RBFOX1: variants seen among roughly 807,000 people sequenced by gnomAD.
RBFOX1 encodes the protein RNA binding protein fox-1 homolog 1.
In RBFOX1, 8 loss-of-function variants were observed where a neutral mutation model predicts 57.7. The observed-to-expected ratio is 0.14, with a 90% CI of 0.08 to 0.25. The LOEUF is 0.25. Ranked by LOEUF, RBFOX1 falls within the 10% of genes least tolerant of loss-of-function variation. RBFOX1 has a pLI of 1.00. For missense variants in RBFOX1, 611 were observed against 548.5 expected (o/e 1.11, Z -1.14); for synonymous variants, 326 against 222.4 (o/e 1.47, Z -4.15).
chr16:7,278,478 A>G (rs1405237562), intron 4 of RBFOX1, among the ~76,000 whole-genome samples: 1 of 152,350 alleles, frequency 6.6e-6, no homozygotes, highest in South Asian at 2.1e-4. Flanking sequence ...TACTTTCATC[A>G]TACAGATCTG....
chr16:7,305,144 T>G (rs561076829), intron 4 of RBFOX1, among the ~76,000 whole-genome samples: 191 of 152,202 alleles, frequency 1.3e-3, no homozygotes, highest in Non-Finnish European at 2.5e-3. Context: ...TGTGTGGGTT[T>G]TTTTTTCCCT....
chr16:5,819,150 G>A (rs919115266), intron 3 of RBFOX1, among the ~76,000 whole-genome samples: 1 of 152,138 alleles, frequency 6.6e-6, no homozygotes. Flanking sequence ...ATAGGTCACG[G>A]TTCTGGAGGC....
intron 4 of RBFOX1, among the ~76,000 whole-genome samples, chr16:7,178,171 C>G (rs980211086): frequency 3.9e-5 from 6 of 152,228 alleles, no homozygotes; most frequent in Non-Finnish European, 5.9e-5. Flanking sequence ...TTATTCCTTG[C>G]TCATGCAAAG....
chr16:6,450,779 A>ACATATATATG (rs1410405257), intron 2 of RBFOX1, among the ~76,000 whole-genome samples: 2 of 59,668 alleles, frequency 3.4e-5, no homozygotes, highest in African/African-American at 1.7e-4. Flanking sequence ...ATATATATAT[A>ACATATATATG]TATATATATA....
At chr16:6,619,882 G>A (rs903662267) in intron 2 of RBFOX1, among the ~76,000 whole-genome samples, 7 of 151,934 alleles carry the variant, frequency 4.6e-5, no homozygotes, top group Middle Eastern at 3.4e-3. Context: ...ACAATAGGCC[G>A]CAGTTTGTGT....
chr16:6,135,064 C>G (rs1040895273), intron 1 of RBFOX1, among the ~76,000 whole-genome samples: 12 of 151,898 alleles, frequency 7.9e-5, no homozygotes, highest in African/African-American at 2.9e-4. Flanking sequence ...TCTCGTTGTT[C>G]AATTCCCACC....
chr16:6,478,410 TATATATA>T (rs2095310939), intron 2 of RBFOX1, among the ~76,000 whole-genome samples: 1 of 23,586 alleles, frequency 4.2e-5, no homozygotes, highest in Non-Finnish European at 7.5e-5. Context: ...TATATATATA[TATATATA>T]TATATATATA....
intron 3 of RBFOX1, among the ~76,000 whole-genome samples, chr16:6,923,890 G>A (rs566833495): frequency 4.6e-5 from 7 of 152,242 alleles, no homozygotes; most frequent in African/African-American, 1.4e-4. Context: ...ATACCTGAAG[G>A]TCAGTTGTGG....
chr16:7,124,078 C>A (rs1236821330), intron 4 of RBFOX1, among the ~76,000 whole-genome samples: 1 of 152,150 alleles, frequency 6.6e-6, no homozygotes, highest in Admixed American at 6.6e-5. Context: ...ACATGACCCT[C>A]CCAAATGCCC....
chr16:5,363,345 T>G (rs1002266296), intron 1 of RBFOX1, among the ~76,000 whole-genome samples: 4 of 152,164 alleles, frequency 2.6e-5, no homozygotes, highest in Admixed American at 1.3e-4. Flanking sequence ...GTGTCCAGCC[T>G]ATTTTGGATA....
At chr16:6,730,818 G>C (rs1365007560) in intron 3 of RBFOX1, among the ~76,000 whole-genome samples, 1 of 152,170 alleles carries the variant, frequency 6.6e-6, no homozygotes, top group African/African-American at 2.4e-5. Context: ...TCTCATATGT[G>C]GCTGAGGAGC....
intron 3 of RBFOX1, among the ~76,000 whole-genome samples, chr16:7,013,005 G>T (rs2093724470): frequency 6.6e-6 from 1 of 152,100 alleles, no homozygotes; most frequent in Non-Finnish European, 1.5e-5. Flanking sequence ...GTGTGTACAG[G>T]TGGAGAGAGA....
chr16:6,094,874 A>G (rs1045897626), intron 1 of RBFOX1, among the ~76,000 whole-genome samples: 2 of 152,232 alleles, frequency 1.3e-5, no homozygotes, highest in Admixed American at 1.3e-4. Context: ...AGCCTGGCCA[A>G]CATGATGAAA....
chr16:6,040,829 A>G (rs1285515081), intron 1 of RBFOX1, among the ~76,000 whole-genome samples: 2 of 152,040 alleles, frequency 1.3e-5, no homozygotes, highest in African/African-American at 2.4e-5. Flanking sequence ...CCTGACCTCA[A>G]TTGATCTGCG....
intron 2 of RBFOX1, among the ~76,000 whole-genome samples, chr16:6,450,169 A>G (rs1381086604): frequency 1.3e-5 from 2 of 152,078 alleles, no homozygotes; most frequent in African/African-American, 4.8e-5. Context: ...GTTTCAGAAC[A>G]CCTGGATCCA....
At chr16:5,468,206 A>G (rs1016595281) in intron 2 of RBFOX1, among the ~76,000 whole-genome samples, 2 of 152,224 alleles carry the variant, frequency 1.3e-5, no homozygotes, top group Non-Finnish European at 2.9e-5. Context: ...TTCACATAGC[A>G]TAATATTAGC....
chr16:5,520,214 T>C (rs913855421), intron 2 of RBFOX1, among the ~76,000 whole-genome samples: 3 of 151,254 alleles, frequency 2.0e-5, no homozygotes, highest in Non-Finnish European at 4.4e-5. Context: ...AAAGGGAGAG[T>C]GTGGGGCTGT....
At chr16:7,634,670 A>T (rs374372343) in intron 11 of RBFOX1, among the ~76,000 whole-genome samples, 2 of 152,100 alleles carry the variant, frequency 1.3e-5, no homozygotes, top group Non-Finnish European at 2.9e-5. Flanking sequence ...TGTCCATACA[A>T]CTAATTCCGT....
At chr16:5,687,349 C>G (rs926558873) in intron 3 of RBFOX1, among the ~76,000 whole-genome samples, 68 of 152,060 alleles carry the variant, frequency 4.5e-4, no homozygotes, top group African/African-American at 1.6e-3. Flanking sequence ...GCCTGCTTAC[C>G]ACTCCCTCCC....
Sources: allele counts gnomAD v4.1 joint callset (sites outside exome capture counted in the v4.1 genomes callset), GRCh38; gene constraint gnomAD v4.1.1; transcripts MANE v1.5; gene names NCBI Gene and HGNC (gene_info 2026-07-23, HGNC 2026-07-21).